Variants in IQCJ observed in about 807,000 individuals in gnomAD.
IQCJ encodes IQ domain-containing protein J.
A neutral mutation model predicts 11.0 loss-of-function variants in IQCJ; 9 were observed. That is an observed-to-expected ratio of 0.82 (90% CI 0.49 to 1.43). The LOEUF (loss-of-function observed/expected upper bound fraction) is 1.43, where lower values mean the gene tolerates loss of function less well. Ranked by LOEUF, IQCJ falls within the 40% of genes most tolerant of loss-of-function variation. IQCJ has a pLI of 0.00. For missense variants in IQCJ, 146 were observed against 133.2 expected, an observed-to-expected ratio of 1.10 and a Z score of -0.47; for synonymous variants, 55 against 51.3, an observed-to-expected ratio of 1.07 and a Z score of -0.31.
intron 1 of IQCJ, among the ~76,000 whole-genome samples, chr3:159,228,226 G>T (rs1336589170): frequency 3.9e-5 from 6 of 152,170 alleles, no homozygotes; most frequent in Non-Finnish European, 7.3e-5. Flanking sequence ...AGTTTTAATA[G>T]CAGAAAGCTC....
In IQCJ at chr3:159,088,738, C is replaced by A. The variant is rs572766229; in HGVS notation, c.9+19297C>A. Among the ~76,000 whole-genome samples the A allele has an allele frequency of 3.3e-5, 5 of 150,508 alleles. No homozygotes were observed. In the East Asian group the frequency reaches 8.7e-4, roughly 26 times the overall value. On this transcript the variant is annotated intron_variant, in intron 1 of 3. Coordinates refer to ENST00000397832, the MANE Select transcript of IQCJ (RefSeq NM_001042706.3). ...TCTGTTTTATCAGAGACTAGGATTG[C>A]AACCCCTGCCTTTTTTTGTTTTCCA...
chr3:159,085,198 G>T (rs561045191), intron 1 of IQCJ, among the ~76,000 whole-genome samples: 57 of 151,794 alleles, frequency 3.8e-4, no homozygotes, highest in Non-Finnish European at 7.1e-4. Context: ...ATAGTTTACT[G>T]AGAATGATGG....
chr3:159,090,397 G>A (rs1243629097), intron 1 of IQCJ, among the ~76,000 whole-genome samples: 2 of 151,798 alleles, frequency 1.3e-5, no homozygotes, highest in Middle Eastern at 3.2e-3. Flanking sequence ...GTAGACCGGA[G>A]CTGTTCCTAT....
chr3:159,222,379 T>C (rs1011070747), intron 1 of IQCJ, among the ~76,000 whole-genome samples: 1 of 152,186 alleles, frequency 6.6e-6, no homozygotes, highest in African/African-American at 2.4e-5. Context: ...TTTGTGACAC[T>C]ATGGATGAAC....
At chr3:159,162,106 G>A (rs1362199698) in intron 1 of IQCJ, among the ~76,000 whole-genome samples, 1 of 152,102 alleles carries the variant, frequency 6.6e-6, no homozygotes, top group East Asian at 1.9e-4. Context: ...CATTGAATCT[G>A]TAAATTACCT....
At chr3:159,128,782 A>G (rs1167182623) in intron 1 of IQCJ, among the ~76,000 whole-genome samples, 1 of 152,154 alleles carries the variant, frequency 6.6e-6, no homozygotes, top group Non-Finnish European at 1.5e-5. Context: ...TGCTTTGAGA[A>G]CAAACTTCTC....
chr3:159,074,874 C>G (rs1339532579), intron 1 of IQCJ, among the ~76,000 whole-genome samples: 7 of 152,090 alleles, frequency 4.6e-5, no homozygotes, highest in Admixed American at 3.3e-4. Context: ...GCTGACAAGA[C>G]TGGCCTATCT....
chr3:159,176,824 A>G (rs1365538212), intron 1 of IQCJ, among the ~76,000 whole-genome samples: 1 of 152,194 alleles, frequency 6.6e-6, no homozygotes, highest in African/African-American at 2.4e-5. Flanking sequence ...AGGGTACCAT[A>G]TTGACCAGGG....
In IQCJ at chr3:159,145,373, T is replaced by C. The variant is rs114099806; in HGVS notation, c.9+75932T>C. ...AATGTCTTCTTCTGTTTACTGTTAATTCATCCATAGTGATCACAAACAATC... is the reference window on the plus strand; with the variant it reads ...AATGTCTTCTTCTGTTTACTGTTAACTCATCCATAGTGATCACAAACAATC... On this transcript the variant is annotated intron_variant, in intron 1 of 3. Coordinates refer to ENST00000397832, the MANE Select transcript of IQCJ (RefSeq NM_001042706.3). Among the ~76,000 whole-genome samples, 559 of 152,362 alleles carry C rather than the reference T, an allele frequency of 3.7e-3. 2 individuals are homozygous for C. Among genetic ancestry groups the C allele is most frequent in the Middle Eastern group, 0.017 (5 of 294 alleles).
At chr3:159,255,292 A>G (rs1459013194) in intron 3 of IQCJ, among the ~76,000 whole-genome samples, 1 of 152,160 alleles carries the variant, frequency 6.6e-6, no homozygotes, top group Non-Finnish European at 1.5e-5. Flanking sequence ...AAAAGAGTAA[A>G]CAGTTCCCAT....
intron 1 of IQCJ, among the ~76,000 whole-genome samples, chr3:159,162,600 C>CA (rs1258507698): frequency 6.6e-6 from 1 of 151,882 alleles, no homozygotes; most frequent in East Asian, 1.9e-4. Flanking sequence ...GATAGAGACA[C>CA]AAAAAACCCT....
chr3:159,216,449 G>C lies in IQCJ; in HGVS notation c.10-29394G>C, dbSNP rs1577087128. ...TTCCCCTTAGGTCCTGCCTTATCAGGGGGATCTTCAGGGCATTGCCAGCAA... is the reference window on the plus strand; with the variant it reads ...TTCCCCTTAGGTCCTGCCTTATCAGCGGGATCTTCAGGGCATTGCCAGCAA... On this transcript the variant is annotated intron_variant, in intron 1 of 3. Coordinates refer to ENST00000397832, the MANE Select transcript of IQCJ (RefSeq NM_001042706.3). Among the ~76,000 whole-genome samples the C allele has an allele frequency of 2.6e-5, 4 of 152,200 alleles. No individual in the cohort carries two copies. The East Asian group carries it at 7.7e-4, about 29-fold the overall frequency.
chr3:159,200,981 T>G (rs1013411537), intron 1 of IQCJ, among the ~76,000 whole-genome samples: 1 of 151,664 alleles, frequency 6.6e-6, no homozygotes, highest in East Asian at 1.9e-4. Context: ...TTTCCCTGTA[T>G]AGATTAATGA....
At chr3:159,252,323 G>A (rs975085352) in intron 2 of IQCJ, among the ~76,000 whole-genome samples, 2 of 152,210 alleles carry the variant, frequency 1.3e-5, no homozygotes, top group Non-Finnish European at 2.9e-5. Context: ...AAGGAGGAAA[G>A]GTCCAGTGGC....
intron 2 of IQCJ, among the ~76,000 whole-genome samples, chr3:159,251,711 G>A (rs1221815600): frequency 6.6e-6 from 1 of 152,042 alleles, no homozygotes; most frequent in East Asian, 1.9e-4. Flanking sequence ...CAGTCAGTGG[G>A]ATTAAGTTTA....
intron 1 of IQCJ, among the ~76,000 whole-genome samples, chr3:159,108,472 A>T (rs1452808166): frequency 6.6e-6 from 1 of 152,188 alleles, no homozygotes; most frequent in Non-Finnish European, 1.5e-5. Flanking sequence ...ATCAAAGGGG[A>T]GTTTCGTCTT....
chr3:159,163,184 G>T (rs1372513054), intron 1 of IQCJ, among the ~76,000 whole-genome samples: 1 of 152,168 alleles, frequency 6.6e-6, no homozygotes, highest in Non-Finnish European at 1.5e-5. Flanking sequence ...ATAAAATAGT[G>T]GCAAACCGAA....
intron 2 of IQCJ, among the ~76,000 whole-genome samples, chr3:159,249,541 C>T (rs1393279917): frequency 6.6e-6 from 1 of 152,190 alleles, no homozygotes; most frequent in Non-Finnish European, 1.5e-5. Context: ...CCAGCCCTAA[C>T]AACTATACCC....
downstream of IQCJ, chr3:159,265,494 T>C (rs73877576): frequency 8.0e-6 from 8 of 994,820 alleles, no homozygotes; most frequent in Non-Finnish European, 1.2e-5. Flanking sequence ...CTAACAACCA[T>C]GAGTCCATTT....
Sources: allele counts gnomAD v4.1 joint callset (sites outside exome capture counted in the v4.1 genomes callset), GRCh38; gene constraint gnomAD v4.1.1; transcripts MANE v1.5; gene names NCBI Gene and HGNC (gene_info 2026-07-23, HGNC 2026-07-21).